PLA2G4E: variants seen among roughly 807,000 people sequenced by gnomAD.
PLA2G4E encodes phospholipase A2 group IVE, also known as cytosolic phospholipase A2 epsilon.
Under a neutral mutation model 109.1 loss-of-function variants are expected in PLA2G4E, and 84 were observed. The observed-to-expected ratio is 0.77, with a 90% confidence interval of 0.65 to 0.92. The LOEUF (loss-of-function observed/expected upper bound fraction) is 0.92, where lower values mean the gene tolerates loss of function less well. Among genes scored for constraint, PLA2G4E ranks in the 40% least tolerant of loss-of-function variants. The probability of loss-of-function intolerance (pLI) is 0.00; values close to 1 mark genes in which losing one functional copy is unlikely to be tolerated. For missense variants in PLA2G4E, 1,057 were observed against 1,076.6 expected (o/e 0.98, Z 0.25); for synonymous variants, 469 against 436.1 (o/e 1.08, Z -0.94).
chr15:42,018,469 T>G (rs1186293330), intron 1 of PLA2G4E, among the ~76,000 whole-genome samples: 1 of 152,190 alleles, frequency 6.6e-6, no homozygotes, highest in East Asian at 1.9e-4. Flanking sequence ...CCAGCTGGGC[T>G]GCAGCCCTGG....
At chr15:41,990,081 C>A in intron 14 of PLA2G4E, 40 bp downstream of exon 14, 1 of 1,558,738 alleles carries the variant, frequency 6.4e-7, no homozygotes, top group Non-Finnish European at 8.8e-7. Flanking sequence ...AGAAGTCCCC[C>A]CCTCCACCCC....
At chr15:41,987,469 G>A (rs560047607) in intron 16 of PLA2G4E, 94 bp from the exon 17 acceptor site, 1 of 1,200,026 alleles carries the variant, frequency 8.3e-7, no homozygotes, top group Non-Finnish European at 1.2e-6. Context: ...GCACCCAGGG[G>A]TGAGCACTGT....
At chr15:42,043,396 A>G (rs1034811716) in intron 1 of PLA2G4E, among the ~76,000 whole-genome samples, 2 of 151,632 alleles carry the variant, frequency 1.3e-5, no homozygotes, top group East Asian at 1.9e-4. Flanking sequence ...GTAGGTCAGG[A>G]CCTGTGGGTG....
chr15:42,039,095 C>T (rs1040923555), intron 1 of PLA2G4E, among the ~76,000 whole-genome samples: 5 of 152,002 alleles, frequency 3.3e-5, no homozygotes, highest in Admixed American at 6.5e-5. Context: ...TCATTGACTC[C>T]ACCCACTTCC....
intron 2 of PLA2G4E, among the ~76,000 whole-genome samples, chr15:42,013,348 C>T (rs367589889): frequency 6.6e-6 from 1 of 152,194 alleles, no homozygotes; most frequent in Non-Finnish European, 1.5e-5. Flanking sequence ...AAAGCGGGTG[C>T]TCTTGGAAAT....
intron 1 of PLA2G4E, among the ~76,000 whole-genome samples, chr15:42,020,641 G>A (rs537738631): frequency 6.6e-6 from 1 of 152,306 alleles, no homozygotes; most frequent in African/African-American, 2.4e-5. Flanking sequence ...TCTATCTTGG[G>A]TGCTAGCCTG....
intron 15 of PLA2G4E, among the ~76,000 whole-genome samples, 160 bp downstream of exon 15, chr15:41,989,255 G>C (rs1041582621): frequency 6.6e-6 from 1 of 152,180 alleles, no homozygotes; most frequent in African/African-American, 2.4e-5. Context: ...GAAATTGGGA[G>C]AGCCCCCAGA....
At chr15:42,050,004 G>T (rs993427439) in intron 1 of PLA2G4E, among the ~76,000 whole-genome samples, 4 of 152,212 alleles carry the variant, frequency 2.6e-5, no homozygotes, top group Admixed American at 2.6e-4. Flanking sequence ...CCAGATCTAT[G>T]TGTTCCCTCC....
rs2068222505 is a variant in PLA2G4E at position 41,990,320 on chromosome 15, C to T, written c.1471-85G>A. The T allele has an allele frequency of 4.9e-6, 6 of 1,217,562 alleles. No homozygotes were observed. In the Admixed American group the frequency reaches 7.2e-5, roughly 15 times the overall value. 75.4% of individuals were successfully genotyped at this position (1,217,562 alleles called of 1,614,324 possible). A position where few individuals can be genotyped will look rare whatever the true frequency, so the allele number is the denominator to read the frequency against. On this transcript the variant is annotated intron_variant, in intron 13 of 19. Transcript: ENST00000399518. ...CAGAATGAGAAGACAATCTGGACCC[C>T]CGCAGCCACTTCCTGGCTCCTGAGC...
exon 20 of PLA2G4E, chr15:41,981,597 A>T (rs545845159): frequency 6.6e-6 from 1 of 152,342 alleles, no homozygotes; most frequent in East Asian, 1.9e-4. Context: ...CCACATGGCC[A>T]TTTTATTCCA....
chr15:42,019,438 C>T (rs2068627133), intron 1 of PLA2G4E, among the ~76,000 whole-genome samples: 1 of 152,226 alleles, frequency 6.6e-6, no homozygotes, highest in Non-Finnish European at 1.5e-5. Context: ...CAGACATACC[C>T]TCAGCAAACC....
At chr15:42,007,374 A>G (rs150277830) in intron 3 of PLA2G4E, among the ~76,000 whole-genome samples, 221 of 152,376 alleles carry the variant, frequency 1.5e-3, no homozygotes, top group African/African-American at 5.1e-3. Context: ...CTGGAATTAG[A>G]CTGGCCTCAG....
chr15:42,039,761 G>A (rs1011059409), intron 1 of PLA2G4E, among the ~76,000 whole-genome samples: 1 of 152,074 alleles, frequency 6.6e-6, no homozygotes, highest in African/African-American at 2.4e-5. Context: ...CAGACACTAT[G>A]TAGAAAGCTA....
At chr15:41,984,502 G>T in exon 19 of PLA2G4E, 1 of 1,613,986 alleles carries the variant, frequency 6.2e-7, no homozygotes, top group Non-Finnish European at 8.5e-7. Context: ...GGGGCATCGG[G>T]TTCCTGGGGG....
intron 13 of PLA2G4E, among the ~76,000 whole-genome samples, chr15:41,990,543 G>T (rs1309741172): frequency 6.6e-6 from 1 of 152,010 alleles, no homozygotes. Context: ...GGTGGGAGAG[G>T]CTAGCACTGC....
chr15:42,043,578 A>C (rs1326213323), intron 1 of PLA2G4E, among the ~76,000 whole-genome samples: 1 of 151,616 alleles, frequency 6.6e-6, no homozygotes, highest in South Asian at 2.1e-4. Context: ...AAAAAAAAAA[A>C]AAAAAACAAC....
Position 42,050,092 on chromosome 15 carries a change from A to C in PLA2G4E, c.183+429T>G, listed in dbSNP as rs551846472. 9.8e-5 allele frequency among the ~76,000 whole-genome samples: 15 copies of C among 152,294 alleles called. No homozygotes were observed. The South Asian group carries it at 3.1e-3, about 32-fold the overall frequency. ...GCTAGACTGCATGGTTCGAGAGCCT[A>C]TGTGACAGGCACTCTGCCAGGGGCT... On this transcript the variant is annotated intron_variant, in intron 1 of 19. Coordinates refer to ENST00000399518, the Ensembl canonical transcript of PLA2G4E.
intron 1 of PLA2G4E, among the ~76,000 whole-genome samples, chr15:42,019,035 C>T (rs1348137896): frequency 6.6e-6 from 1 of 152,192 alleles, no homozygotes; most frequent in Non-Finnish European, 1.5e-5. Flanking sequence ...ATCATTATCC[C>T]TGCTTTACAG....
At chr15:42,041,516 G>A (rs959990372) in intron 1 of PLA2G4E, among the ~76,000 whole-genome samples, 12 of 152,046 alleles carry the variant, frequency 7.9e-5, no homozygotes, top group Admixed American at 5.9e-4. Context: ...GTTGGGACTC[G>A]GACTCCTCAT....
Sources: gnomAD v4.1 joint callset for allele counts (sites outside exome capture counted in the v4.1 genomes callset) on GRCh38, gnomAD v4.1.1 for gene constraint, MANE v1.5 for transcripts, NCBI Gene and HGNC (gene_info 2026-07-23, HGNC 2026-07-21) for gene names.